CADPS: variants seen among roughly 807,000 people sequenced by gnomAD.
CADPS encodes calcium dependent secretion activator, also known as calcium-dependent secretion activator 1.
Under a neutral mutation model 167.3 loss-of-function variants are expected in CADPS, and 57 were observed. That is an observed-to-expected ratio of 0.34 (90% CI 0.28 to 0.42). The LOEUF is 0.42. Among genes scored for constraint, CADPS ranks in the 20% least tolerant of loss-of-function variants. The pLI, the probability that CADPS is intolerant of heterozygous loss-of-function variation, is 1.00. For missense variants in CADPS, 1,414 were observed against 1,738.1 expected (o/e 0.81, Z 3.32); for synonymous variants, 676 against 635.3 (o/e 1.06, Z -0.96).
At chr3:62,854,681 CAAG>C (rs1273545949) in intron 1 of CADPS, among the ~76,000 whole-genome samples, 2 of 152,246 alleles carry the variant, frequency 1.3e-5, no homozygotes, top group East Asian at 3.9e-4. Context: ...TCGTAAGTAA[CAAG>C]AAGTTCTATT....
chr3:62,781,517 C>T (rs1053817359), intron 1 of CADPS, among the ~76,000 whole-genome samples: 55 of 152,172 alleles, frequency 3.6e-4, no homozygotes, highest in African/African-American at 1.3e-3. Context: ...GACAATGACA[C>T]ACGTGACTCC....
intron 1 of CADPS, among the ~76,000 whole-genome samples, chr3:62,768,254 T>C (rs914242175): frequency 6.6e-6 from 1 of 152,182 alleles, no homozygotes; most frequent in African/African-American, 2.4e-5. Flanking sequence ...CCAGCTTTAA[T>C]CTAGTTCACA....
At chr3:62,626,841 A>G (rs2064181530) in intron 6 of CADPS, among the ~76,000 whole-genome samples, 1 of 152,202 alleles carries the variant, frequency 6.6e-6, no homozygotes, top group South Asian at 2.1e-4. Context: ...AGTATCAATG[A>G]TATGCTGATA....
At chr3:62,495,143 G>A (rs970683775) in intron 18 of CADPS, among the ~76,000 whole-genome samples, 4 of 152,054 alleles carry the variant, frequency 2.6e-5, no homozygotes, top group Non-Finnish European at 4.4e-5. Context: ...TGACTACTGT[G>A]GCATGAATCA....
chr3:62,409,791 T>G, intron 28 of CADPS, among the ~76,000 whole-genome samples: 1 of 152,198 alleles, frequency 6.6e-6, no homozygotes, highest in East Asian at 1.9e-4. Flanking sequence ...TATCATAGGC[T>G]TTACAATTTT....
At chr3:62,422,951 C>T (rs899637317) in intron 28 of CADPS, among the ~76,000 whole-genome samples, 6 of 152,170 alleles carry the variant, frequency 3.9e-5, no homozygotes, top group African/African-American at 1.4e-4. Flanking sequence ...GGATGTAATG[C>T]TATTGTGTTA....
intron 28 of CADPS, among the ~76,000 whole-genome samples, chr3:62,424,308 C>T (rs868766646): frequency 3.9e-5 from 6 of 152,152 alleles, no homozygotes; most frequent in South Asian, 2.1e-4. Context: ...CTCAGCCTCC[C>T]GAGTAGGTGG....
chr3:62,513,763 G>GGT lies in CADPS; in HGVS notation c.2582-997_2582-996dup, dbSNP rs1006841035. 1.2e-5 allele frequency: 14 copies of GGT among 1,141,268 alleles called. No individual in the cohort carries two copies. The Admixed American group carries it at 2.2e-4, about 18-fold the overall frequency. The allele number at this position is 1,141,268 out of a possible 1,614,324, so 70.7% of individuals were successfully genotyped here. ...TTAGGTCAGAGGTAAAGAGGTTAAA[G>GGT]GTCATAGGTTAGAGGAAAACGTTAC... is the stretch of plus-strand genomic sequence containing the variant. On this transcript the variant is annotated intron_variant, in intron 16 of 29. Coordinates refer to ENST00000383710, the MANE Select transcript of CADPS (RefSeq NM_003716.4).
At chr3:62,807,322 C>T (rs575251263) in intron 1 of CADPS, among the ~76,000 whole-genome samples, 3 of 150,214 alleles carry the variant, frequency 2.0e-5, no homozygotes, top group Non-Finnish European at 4.4e-5. Flanking sequence ...AGGGCACTGG[C>T]GTGATCTCAG....
intron 3 of CADPS, among the ~76,000 whole-genome samples, chr3:62,696,116 G>T (rs1405065983): frequency 1.3e-5 from 2 of 152,012 alleles, no homozygotes; most frequent in East Asian, 3.9e-4. Flanking sequence ...GGTGACCTGG[G>T]CCACTAATTA....
intron 8 of CADPS, among the ~76,000 whole-genome samples, chr3:62,584,208 T>C (rs923967144): frequency 1.3e-5 from 2 of 152,056 alleles, no homozygotes; most frequent in Non-Finnish European, 2.9e-5. Flanking sequence ...AGTTTCATCA[T>C]GTTGGTCAGG....
intron 2 of CADPS, among the ~76,000 whole-genome samples, chr3:62,765,324 C>A (rs991565854): frequency 6.6e-6 from 1 of 152,248 alleles, no homozygotes; most frequent in African/African-American, 2.4e-5. Flanking sequence ...CATATTCTCT[C>A]TTTTGTAGAT....
At chr3:62,540,050 A>G (rs925916429) in intron 11 of CADPS, among the ~76,000 whole-genome samples, 2 of 152,178 alleles carry the variant, frequency 1.3e-5, no homozygotes, top group African/African-American at 2.4e-5. Context: ...GCATATATTA[A>G]GGGCTCAATA....
intron 1 of CADPS, among the ~76,000 whole-genome samples, chr3:62,797,661 T>C (rs1350110924): frequency 6.6e-6 from 1 of 151,788 alleles, no homozygotes. Context: ...ATGGGGCCTG[T>C]TGGAGGGTGA....
intron 5 of CADPS, among the ~76,000 whole-genome samples, chr3:62,649,543 CTTTTT>C (rs369874258): frequency 0.029 from 1,092 of 37,660 alleles, 24 homozygotes; most frequent in Admixed American, 0.054. Flanking sequence ...AATATGTGGT[CTTTTT>C]TTTTTTTTTT....
rs138651972 is a variant in CADPS, at chr3:62,831,415, C to G, written c.441+43174G>C. ...TGAGGCTGCTTCTGTAACAACAGTTCCATTGTCACAGTCACTGATTAGGGA... is the reference window on the plus strand; with the variant it reads ...TGAGGCTGCTTCTGTAACAACAGTTGCATTGTCACAGTCACTGATTAGGGA... On this transcript the variant is annotated intron_variant, in intron 1 of 29. Transcript: ENST00000383710. 2.2e-4 allele frequency among the ~76,000 whole-genome samples: 34 copies of G among 152,238 alleles called. No individual in the cohort carries two copies. The East Asian group carries it at 5.6e-3, about 25-fold the overall frequency.
chr3:62,486,325 G>T (rs963465564), intron 21 of CADPS, among the ~76,000 whole-genome samples: 16 of 151,308 alleles, frequency 1.1e-4, no homozygotes, highest in African/African-American at 3.6e-4. Flanking sequence ...GGCACCTGTA[G>T]TCCCAGCTAC....
At chr3:62,524,037 T>C (rs1218302964) in intron 13 of CADPS, among the ~76,000 whole-genome samples, 1 of 152,226 alleles carries the variant, frequency 6.6e-6, no homozygotes, top group South Asian at 2.1e-4. Context: ...CAGTGCTCCC[T>C]AAATAGGACA....
chr3:62,532,752 C>A, intron 13 of CADPS, 119 bp downstream of exon 13: 56 of 647,580 alleles, frequency 8.6e-5, no homozygotes, highest in African/African-American at 9.8e-5. Context: ...TGTGTGTGTA[C>A]GTGTGCACAT....
Sources: gnomAD v4.1 joint callset for allele counts (sites outside exome capture counted in the v4.1 genomes callset) on GRCh38, gnomAD v4.1.1 for gene constraint, MANE v1.5 for transcripts, NCBI Gene and HGNC (gene_info 2026-07-23, HGNC 2026-07-21) for gene names.